MTUS2: variants seen among roughly 807,000 people sequenced by gnomAD.
The protein encoded by MTUS2 is microtubule associated scaffold protein 2.
A neutral mutation model predicts 114.1 loss-of-function variants in MTUS2; 40 were observed. The ratio of observed to expected loss-of-function variants is 0.35; its 90% confidence interval spans 0.27 to 0.46. MTUS2 has a LOEUF of 0.46. Ranked by LOEUF, MTUS2 falls within the 20% of genes least tolerant of loss-of-function variation. The probability of loss-of-function intolerance (pLI) is 1.00; values close to 1 mark genes in which losing one functional copy is unlikely to be tolerated. For missense variants in MTUS2, 1,679 were observed against 1,705.4 expected, an observed-to-expected ratio of 0.98 and a Z score of 0.27; for synonymous variants, 688 against 672.0, an observed-to-expected ratio of 1.02 and a Z score of -0.37.
chr13:29,058,205 A>ATT (rs149316720), intron 4 of MTUS2, among the ~76,000 whole-genome samples: 75,931 of 138,458 alleles, frequency 0.55, 20,795 homozygotes, highest in South Asian at 0.71. Context: ...TGCCTTTAAC[A>ATT]TTTTTTTTTT....
At chr13:28,830,166 A>G (rs1874567958) in intron 1 of MTUS2, among the ~76,000 whole-genome samples, 1 of 152,198 alleles carries the variant, frequency 6.6e-6, no homozygotes, top group African/African-American at 2.4e-5. Flanking sequence ...GTAGCAACAA[A>G]TATAACAACA....
Position 29,480,182 on chromosome 13 carries a change from A to G in MTUS2, c.3217A>G (p.Lys1073Glu), listed in dbSNP as rs1419300597. 2 of 1,556,186 alleles carry G rather than the reference A, an allele frequency of 1.3e-6. No homozygotes were observed. The highest frequency in any genetic ancestry group is 2.4e-5 in the East Asian group (1 of 41,280). ...FHTAKCEKLQKEKEELERRFE... is the reference protein window; with the variant it reads ...FHTAKCEKLQEEKEELERRFE... ...TACAGCAAAGTGCGAGAAACTACAAAAGGAGAAGGAGGAGCTGGAGAGGCG... is the reference window on the plus strand; with the variant it reads ...TACAGCAAAGTGCGAGAAACTACAAGAGGAGAAGGAGGAGCTGGAGAGGCG... The change falls in exon 10 of 16, where the codon AAG (lysine) becomes GAG (glutamate). Residue 1073 changes from lysine to glutamate, a missense_variant. By Grantham distance (56) the Lys-to-Glu change is moderately conservative. This residue lies in a region of MTUS2 where 822 missense variants were observed against 899.7 expected (regional missense o/e 0.91). Coordinates refer to ENST00000612955, the MANE Select transcript of MTUS2 (RefSeq NM_001033602.4). The surrounding 1 kb of genome is among the most constrained non-coding windows in gnomAD (Gnocchi z 4.4).
At chr13:29,347,051 G>C (rs1228822486) in intron 7 of MTUS2, among the ~76,000 whole-genome samples, 1 of 151,708 alleles carries the variant, frequency 6.6e-6, no homozygotes, top group Non-Finnish European at 1.5e-5. Flanking sequence ...CTCTTTCAAA[G>C]GGTCCGTGGA....
Position 29,255,533 on chromosome 13 carries a change from A to C in MTUS2, c.2645-26171A>C, listed in dbSNP as rs1248256930. On this transcript the variant is annotated intron_variant, in intron 5 of 15. Transcript: ENST00000612955. The stretch of plus-strand genomic sequence containing the variant: ...AAAATAAAATCAAAGACTAAGTAAC[A>C]CTGTAAGAAACATACATAAGGACCA... Among the ~76,000 whole-genome samples, 4 of 152,238 alleles carry C rather than the reference A, an allele frequency of 2.6e-5. No individual in the cohort carries two copies. In the East Asian group the frequency reaches 7.7e-4, roughly 29 times the overall value.
chr13:29,200,233 C>CT (rs1268841725), intron 5 of MTUS2, among the ~76,000 whole-genome samples: 1 of 151,766 alleles, frequency 6.6e-6, no homozygotes, highest in Non-Finnish European at 1.5e-5. Context: ...CTTCTGCTAG[C>CT]TTTTGAATTT....
At chr13:29,052,147 T>C (rs189793684) in intron 4 of MTUS2, among the ~76,000 whole-genome samples, 21 of 152,326 alleles carry the variant, frequency 1.4e-4, no homozygotes, top group African/African-American at 5.1e-4. Flanking sequence ...AAATATTGTC[T>C]GCAGTCATTT....
At chr13:28,999,210 T>G (rs1885267894) in intron 2 of MTUS2, among the ~76,000 whole-genome samples, 1 of 152,206 alleles carries the variant, frequency 6.6e-6, no homozygotes, top group Non-Finnish European at 1.5e-5. Flanking sequence ...CAGTGGATAT[T>G]GGTGAACCGC....
At chr13:29,342,530 T>C (rs1206075179) in intron 7 of MTUS2, among the ~76,000 whole-genome samples, 2 of 152,108 alleles carry the variant, frequency 1.3e-5, no homozygotes, top group Non-Finnish European at 2.9e-5. Context: ...TATTGCTGAA[T>C]TCATGTGTCA....
At chr13:29,138,966 TCTCCCCTTTGCCCCCAGTGATATGG>T (rs1455444304) in intron 5 of MTUS2, among the ~76,000 whole-genome samples, 4 of 152,124 alleles carry the variant, frequency 2.6e-5, no homozygotes, top group Non-Finnish European at 4.4e-5. Context: ...GAAGCTGGTT[TCTCCCCTTTGCCCCCAGTGATATGG>T]AGTAAGTACC....
intron 5 of MTUS2, among the ~76,000 whole-genome samples, chr13:29,134,102 C>G (rs1399327024): frequency 6.6e-6 from 1 of 151,984 alleles, no homozygotes; most frequent in East Asian, 1.9e-4. Flanking sequence ...TTTTTTGTCT[C>G]TATTTATTTT....
intron 2 of MTUS2, among the ~76,000 whole-genome samples, chr13:28,909,954 G>T (rs1880303053): frequency 6.6e-6 from 1 of 152,184 alleles, no homozygotes; most frequent in African/African-American, 2.4e-5. Context: ...TAGATATTTT[G>T]ATACAAGCAT....
At chr13:29,401,154 A>G (rs761837629) in intron 8 of MTUS2, among the ~76,000 whole-genome samples, 9 of 152,008 alleles carry the variant, frequency 5.9e-5, no homozygotes, top group African/African-American at 2.2e-4. Context: ...TGACTGGCTA[A>G]TTTTTACATT....
chr13:29,484,525 A>T (rs565216130), intron 10 of MTUS2, among the ~76,000 whole-genome samples: 13 of 152,216 alleles, frequency 8.5e-5, no homozygotes. Context: ...ACAGCCCCGC[A>T]TGGGATGACA....
chr13:28,986,541 C>T (rs1884595809), intron 2 of MTUS2, among the ~76,000 whole-genome samples: 1 of 152,194 alleles, frequency 6.6e-6, no homozygotes, highest in African/African-American at 2.4e-5. Flanking sequence ...AAAACAACTC[C>T]TTAATGTTCA....
At chr13:28,864,462 C>A (rs573321409) in intron 2 of MTUS2, among the ~76,000 whole-genome samples, 1 of 152,188 alleles carries the variant, frequency 6.6e-6, no homozygotes, top group African/African-American at 2.4e-5. Flanking sequence ...CCTGGCTCAT[C>A]ATGTCGGTGA....
intron 9 of MTUS2, among the ~76,000 whole-genome samples, chr13:29,446,758 T>C (rs116642567): frequency 0.01 from 1,564 of 152,316 alleles, 18 homozygotes; most frequent in African/African-American, 0.036. Context: ...TTAGTGTTGC[T>C]AGGGTTGCCT....
intron 4 of MTUS2, among the ~76,000 whole-genome samples, chr13:29,079,455 T>C (rs1281169944): frequency 6.6e-6 from 1 of 152,210 alleles, no homozygotes. Flanking sequence ...TTGTTACTTA[T>C]GCTTTTCATG....
chr13:29,258,119 C>T (rs1293039965), intron 5 of MTUS2, among the ~76,000 whole-genome samples: 1 of 152,236 alleles, frequency 6.6e-6, no homozygotes, highest in African/African-American at 2.4e-5. Context: ...GCTGAGTTCT[C>T]TGCTCAGGAT....
intron 9 of MTUS2, among the ~76,000 whole-genome samples, chr13:29,455,643 C>T (rs903284428): frequency 6.6e-6 from 1 of 152,024 alleles, no homozygotes; most frequent in Non-Finnish European, 1.5e-5. Flanking sequence ...AATAGACATA[C>T]AAAGAAGCAA....
Sources: gnomAD v4.1 joint callset for allele counts (sites outside exome capture counted in the v4.1 genomes callset) on GRCh38, gnomAD v4.1.1 for gene constraint, gnomAD v4.1.1 regional missense constraint, Gnocchi (gnomAD v3.1) non-coding constraint, MANE v1.5 for transcripts, NCBI Gene and HGNC (gene_info 2026-07-23, HGNC 2026-07-21) for gene names.